Variants in CCNG1 observed in about 807,000 individuals in gnomAD.
CCNG1 encodes cyclin G1, also known as cyclin-G1.
A neutral mutation model predicts 30.0 loss-of-function variants in CCNG1; 13 were observed. That is an observed-to-expected ratio of 0.43 (90% CI 0.28 to 0.69). The LOEUF (loss-of-function observed/expected upper bound fraction) is 0.69, where lower values mean the gene tolerates loss of function less well. Among genes scored for constraint, CCNG1 ranks in the 30% least tolerant of loss-of-function variants. The pLI is 0.16. For synonymous variants in CCNG1, 110 were observed against 121.5 expected (o/e 0.91, Z 0.62); for missense variants, 285 against 331.4 (o/e 0.86, Z 1.09).
the CCNG1 span, chr5:163,457,091 AAC>A: frequency 1.9e-3 from 2,752 of 1,427,140 alleles, no homozygotes; most frequent in South Asian, 3.2e-3. Context: ...CTAAAAAAAA[AAC>A]ACACACACAC....
rs1207501881 is a variant in CCNG1, at chr5:163,442,107, A to G, written c.660A>G (p.Leu220=). The G allele has an allele frequency of 1.2e-6, 2 of 1,611,662 alleles. No individual in the cohort carries two copies. Among genetic ancestry groups the G allele is most frequent in the Non-Finnish European group, 1.7e-6 (2 of 1,178,112 alleles). The change falls in exon 5 of 7, where the codon TTA becomes TTG. Residue 220 remains leucine, a synonymous_variant. Coordinates refer to ENST00000340828, the MANE Select transcript of CCNG1 (RefSeq NM_004060.4). ...TCCAAGCACAGAAGTGTGTAGAGTT[A>G]ACAGAAGGAATAGAATGTCTTCAGA... ...LEIQAQKCVE[L]TEGIECLQKH... is the part of the protein sequence containing the mutation.
chr5:163,453,697 T>C, the CCNG1 span: 2 of 238,706 alleles, frequency 8.4e-6, no homozygotes, highest in East Asian at 1.6e-4. Context: ...AAAAATATGG[T>C]TAAATATGGA....
chr5:163,451,313 C>A, the CCNG1 span: 2 of 152,028 alleles, frequency 1.3e-5, no homozygotes, highest in Non-Finnish European at 2.9e-5. Flanking sequence ...TATATGATCC[C>A]ATTTATAACA....
At chr5:163,453,816 A>C in the CCNG1 span, 2 of 432,676 alleles carry the variant, frequency 4.6e-6, no homozygotes, top group Non-Finnish European at 8.5e-6. Flanking sequence ...TATGTAAATT[A>C]TGTTTGAATG....
chr5:163,445,068 A>G (rs1758001988), downstream of CCNG1: 1 of 152,206 alleles, frequency 6.6e-6, no homozygotes, highest in African/African-American at 2.4e-5. Context: ...TCTTTTAGCA[A>G]TGTGTTAACA....
the CCNG1 span, among the ~76,000 whole-genome samples, chr5:163,455,990 A>G: frequency 6.6e-6 from 1 of 151,844 alleles, no homozygotes. Context: ...ATGAGTCCCA[A>G]TTTTTTTTGA....
chr5:163,442,388 T>G lies in CCNG1; in HGVS notation c.711T>G (p.Asp237Glu), dbSNP rs201722735. 2 of 1,612,098 alleles carry G rather than the reference T, an allele frequency of 1.2e-6. No individual in the cohort carries two copies. The highest frequency in any genetic ancestry group is 1.6e-4 in the Middle Eastern group (1 of 6,070). ...TGTATGTACAGATAAATGGCAGAGATCTGACCTTCTGGCAAGAGCTTGTAT... is the reference window on the plus strand; with the variant it reads ...TGTATGTACAGATAAATGGCAGAGAGCTGACCTTCTGGCAAGAGCTTGTAT... Reference protein sequence around the residue: ...LQKHSKINGRDLTFWQELVSK... With the variant: ...LQKHSKINGRELTFWQELVSK... The change falls in exon 6 of 7, where the codon GAT becomes GAG. Residue 237 changes from aspartate to glutamate, a missense_variant. Transcript: ENST00000340828.
At chr5:163,451,419 A>G in the CCNG1 span, 3 of 152,138 alleles carry the variant, frequency 2.0e-5, no homozygotes, top group South Asian at 2.1e-4. Context: ...AGAGAGCACG[A>G]GAGTTTTTAC....
the CCNG1 span, among the ~76,000 whole-genome samples, chr5:163,456,117 G>A: frequency 6.6e-6 from 1 of 152,274 alleles, no homozygotes; most frequent in African/African-American, 2.4e-5. Flanking sequence ...TAGATAGCCA[G>A]GTGGAGATGT....
chr5:163,443,466 C>CT (rs1365047597), intron 6 of CCNG1, among the ~76,000 whole-genome samples: 17 of 152,166 alleles, frequency 1.1e-4, no homozygotes, highest in African/African-American at 4.1e-4. Context: ...AAAATGTAAA[C>CT]TTGCTTTCTG....
At chr5:163,457,004 T>G in the CCNG1 span, 2 of 1,613,584 alleles carry the variant, frequency 1.2e-6, no homozygotes, top group African/African-American at 2.7e-5. Context: ...CATATTCAGA[T>G]TCTAGTAGAG....
At chr5:163,441,822 TA>T in intron 3 of CCNG1, 63 bp from the exon 4 acceptor site, 1 of 1,009,712 alleles carries the variant, frequency 9.9e-7, no homozygotes, top group Non-Finnish European at 1.5e-6. Flanking sequence ...AATGTTTTTC[TA>T]AAAACATCTT....
chr5:163,457,082 TAA>T, the CCNG1 span: 26 of 1,404,688 alleles, frequency 1.9e-5, no homozygotes, highest in East Asian at 5.3e-5. Flanking sequence ...TTCTGTCCTC[TAA>T]AAAAAAAACA....
chr5:163,447,395 GA>G (rs1758062622), downstream of CCNG1: 6 of 147,982 alleles, frequency 4.1e-5, no homozygotes, highest in South Asian at 1.3e-3. Context: ...AGGCTGCAGT[GA>G]AGCATGACAG....
At chr5:163,450,674 G>C (rs1488143456), downstream of CCNG1, 1 of 152,182 alleles carries the variant, frequency 6.6e-6, no homozygotes, top group Non-Finnish European at 1.5e-5. Flanking sequence ...ACAAGTATTG[G>C]CAAGGATGCA....
downstream of CCNG1, among the ~76,000 whole-genome samples, chr5:163,445,709 C>T (rs1252544276): frequency 6.8e-6 from 1 of 147,270 alleles, no homozygotes; most frequent in Non-Finnish European, 1.5e-5. Context: ...CTGCCCACCT[C>T]GTTCTCCCAA....
At position 163,444,729 on chromosome 5, in the gene CCNG1, TACTC is replaced by T. The variant is rs1356375356; in HGVS notation, c.*1061_*1064del. On this transcript the variant is annotated 3_prime_UTR_variant, in exon 7 of 7. Coordinates refer to ENST00000340828, the MANE Select transcript of CCNG1 (RefSeq NM_004060.4). ...ACAGTGTTAAAGTGTTGTAAACAGT[TACTC>T]AGTGCAATGTATAGCCTGAGTCTAT... 2.0e-5 allele frequency: 3 copies of T among 152,670 alleles called. No individual in the cohort carries two copies. The highest frequency in any genetic ancestry group is 2.9e-5 in the Non-Finnish European group (2 of 68,020). The allele number at this position is 152,670 out of a possible 1,614,324, so 9.5% of individuals were successfully genotyped here.
chr5:163,442,184 A>G (rs1377890774), intron 5 of CCNG1, 41 bp downstream of exon 5: 2 of 1,348,104 alleles, frequency 1.5e-6, no homozygotes, highest in East Asian at 2.3e-5. Flanking sequence ...AACAGCTGTA[A>G]AAGAAACTAA....
the CCNG1 span, chr5:163,457,230 C>CAA: frequency 2.5e-6 from 2 of 787,074 alleles, no homozygotes; most frequent in African/African-American, 3.6e-5. Flanking sequence ...CCCCCGGGTT[C>CAA]AAGTGATTCT....
Sources: allele counts gnomAD v4.1 joint callset (sites outside exome capture counted in the v4.1 genomes callset), GRCh38; gene constraint gnomAD v4.1.1; transcripts MANE v1.5; gene names NCBI Gene and HGNC (gene_info 2026-07-23, HGNC 2026-07-21).